Variants in PPP2R2C observed in about 807,000 individuals in gnomAD.
PPP2R2C encodes the protein protein phosphatase 2 regulatory subunit Bgamma.
Under a neutral mutation model 45.3 loss-of-function variants are expected in PPP2R2C, and 10 were observed. The observed-to-expected ratio is 0.22, with a 90% CI of 0.14 to 0.37. PPP2R2C has a LOEUF of 0.37. Among genes scored for constraint, PPP2R2C ranks in the 10% least tolerant of loss-of-function variants. The pLI is 1.00. For synonymous variants in PPP2R2C, 257 were observed against 245.4 expected, an observed-to-expected ratio of 1.05 and a Z score of -0.44; for missense variants, 308 against 619.7, an observed-to-expected ratio of 0.50 and a Z score of 5.34.
intron 1 of PPP2R2C, among the ~76,000 whole-genome samples, chr4:6,547,595 A>G (rs1725030557): frequency 6.6e-6 from 1 of 152,168 alleles, no homozygotes; most frequent in South Asian, 2.1e-4. Context: ...TTATGAAAAT[A>G]GAGGGGCAGG....
chr4:6,448,907 A>T (rs137991169), intron 1 of PPP2R2C, among the ~76,000 whole-genome samples: 1 of 152,192 alleles, frequency 6.6e-6, no homozygotes, highest in Non-Finnish European at 1.5e-5. Context: ...AGGTGGGGGC[A>T]GTGCCCCTGC....
At chr4:6,447,610 A>C (rs1378096749) in intron 1 of PPP2R2C, among the ~76,000 whole-genome samples, 1 of 147,242 alleles carries the variant, frequency 6.8e-6, no homozygotes, top group African/African-American at 2.5e-5. Context: ...GGGTTGCAAG[A>C]GACCATTTCC....
At chr4:6,468,804 C>T (rs150912565) in intron 1 of PPP2R2C, among the ~76,000 whole-genome samples, 50 of 152,018 alleles carry the variant, frequency 3.3e-4, no homozygotes, top group African/African-American at 1.0e-3. Context: ...TGAGGCCTGC[C>T]GCAAAAAGAG....
intron 6 of PPP2R2C, among the ~76,000 whole-genome samples, chr4:6,346,261 C>T (rs75992209): frequency 0.026 from 3,921 of 152,302 alleles, 167 homozygotes; most frequent in African/African-American, 0.089. Flanking sequence ...CCCACAGCTT[C>T]TCATTCTCAG....
chr4:6,465,481 A>C (rs904105478), intron 1 of PPP2R2C, among the ~76,000 whole-genome samples: 2 of 152,210 alleles, frequency 1.3e-5, no homozygotes, highest in African/African-American at 4.8e-5. Flanking sequence ...CCAGAGTTCC[A>C]GCAGAGCAGG....
At chr4:6,556,875 G>A (rs1038401436) in intron 1 of PPP2R2C, among the ~76,000 whole-genome samples, 1 of 152,278 alleles carries the variant, frequency 6.6e-6, no homozygotes, top group South Asian at 2.1e-4. Flanking sequence ...AAGGAGGGAA[G>A]GGGGAAGGAG....
chr4:6,321,036 A>G lies in PPP2R2C; in HGVS notation c.*2266T>C, dbSNP rs1268300707. The G allele has an allele frequency of 3.9e-5, 6 of 152,222 alleles. No homozygotes were observed. The highest frequency in any genetic ancestry group is 5.9e-5 in the Non-Finnish European group (4 of 68,042). 9.4% of individuals were successfully genotyped at this position (152,222 alleles called of 1,614,324 possible). A position where few individuals can be genotyped will look rare whatever the true frequency, so the allele number is the denominator to read the frequency against. On this transcript the variant is annotated 3_prime_UTR_variant, in exon 9 of 9. Coordinates refer to ENST00000382599, the MANE Select transcript of PPP2R2C (RefSeq NM_020416.4). The stretch of plus-strand genomic sequence containing the variant: ...TTATTTTCCAGGGATCCAGAGACAT[A>G]CTTTTCTTCAAAGAAGATCTTTTCC...
At chr4:6,539,163 G>A (rs1043010202) in intron 1 of PPP2R2C, among the ~76,000 whole-genome samples, 2 of 151,366 alleles carry the variant, frequency 1.3e-5, no homozygotes, top group African/African-American at 2.4e-5. Context: ...GAGAGAGGGC[G>A]GAAATTTGGA....
chr4:6,459,009 A>T (rs1469178656), intron 1 of PPP2R2C, among the ~76,000 whole-genome samples: 1 of 152,220 alleles, frequency 6.6e-6, no homozygotes, highest in African/African-American at 2.4e-5. Context: ...AAGGAGGAGG[A>T]CCAGGAATTC....
chr4:6,451,762 G>A (rs900846413), intron 1 of PPP2R2C, among the ~76,000 whole-genome samples: 1 of 152,162 alleles, frequency 6.6e-6, no homozygotes, highest in African/African-American at 2.4e-5. Context: ...TCAGTGCTCT[G>A]AGGGACCTGG....
rs746793663 is a variant in PPP2R2C, at chr4:6,562,962, C to CAAAAAAAAAA, written c.-59+588_-59+597dup. On this transcript the variant is annotated intron_variant, in intron 1 of 9. Coordinates refer to the PPP2R2C transcript ENST00000506140. Reference sequence around the variant, plus strand: ...ACTGTCATGGACTGTCCCTGCCAGCCAAAAAAAAAAAAAAAAGGCTTCTCC... The same window carrying CAAAAAAAAAA: ...ACTGTCATGGACTGTCCCTGCCAGCCAAAAAAAAAAAAAAAAAAAAAAAAAAGGCTTCTCC... Among the ~76,000 whole-genome samples, 14 of 83,256 alleles carry CAAAAAAAAAA rather than the reference C, an allele frequency of 1.7e-4. 1 individual carries two copies. Among genetic ancestry groups the CAAAAAAAAAA allele is most frequent in the African/African-American group, 6.4e-4 (14 of 21,844 alleles). 54.6% of individuals were successfully genotyped at this position (83,256 alleles called of 152,430 possible).
In PPP2R2C at chr4:6,349,612, G is replaced by A. The variant is rs1401372099; in HGVS notation, c.626-1602C>T. On this transcript the variant is annotated intron_variant, in intron 5 of 8. Coordinates refer to ENST00000382599, the MANE Select transcript of PPP2R2C (RefSeq NM_020416.4). Reference sequence around the variant, plus strand: ...TCCCAGCACTTTGGGAGGCCGAGGCGGGCGGATCACGAGGTCAGGAGATCG... The same window carrying A: ...TCCCAGCACTTTGGGAGGCCGAGGCAGGCGGATCACGAGGTCAGGAGATCG... 18 of 981,454 alleles carry A rather than the reference G, an allele frequency of 1.8e-5. No individual in the cohort carries two copies. The African/African-American group carries it at 2.1e-4, about 11-fold the overall frequency. The allele number at this position is 981,454 out of a possible 1,614,324, so 60.8% of individuals were successfully genotyped here.
chr4:6,534,747 C>T (rs139322821), intron 2 of PPP2R2C, among the ~76,000 whole-genome samples: 79 of 152,306 alleles, frequency 5.2e-4, no homozygotes, highest in African/African-American at 8.2e-4. Context: ...GTGACAACCC[C>T]GCCTCCGCAT....
intron 1 of PPP2R2C, among the ~76,000 whole-genome samples, chr4:6,385,269 C>G (rs960682192): frequency 1.3e-4 from 20 of 152,306 alleles, no homozygotes; most frequent in African/African-American, 4.3e-4. Flanking sequence ...TGCCTGAGCA[C>G]TGCTTCCTCT....
chr4:6,448,034 C>T (rs1266792295), intron 1 of PPP2R2C, among the ~76,000 whole-genome samples: 2 of 152,122 alleles, frequency 1.3e-5, no homozygotes, highest in African/African-American at 2.4e-5. Context: ...GGTACACCCC[C>T]GTGGGAGCCG....
At chr4:6,333,300 C>G (rs1732563269) in intron 7 of PPP2R2C, among the ~76,000 whole-genome samples, 1 of 152,226 alleles carries the variant, frequency 6.6e-6, no homozygotes, top group South Asian at 2.1e-4. Flanking sequence ...CATCTCTTTC[C>G]TCCCTGGAAT....
At chr4:6,390,145 G>A (rs1577138568) in intron 1 of PPP2R2C, among the ~76,000 whole-genome samples, 1 of 152,188 alleles carries the variant, frequency 6.6e-6, no homozygotes, top group African/African-American at 2.4e-5. Context: ...ACTTCCAGGG[G>A]ACAGGGGAGA....
At chr4:6,530,118 G>A (rs1039156115) in intron 2 of PPP2R2C, among the ~76,000 whole-genome samples, 2 of 152,126 alleles carry the variant, frequency 1.3e-5, no homozygotes, top group South Asian at 2.1e-4. Context: ...AACGATTCTC[G>A]AGGGTTTACT....
intron 8 of PPP2R2C, among the ~76,000 whole-genome samples, chr4:6,325,313 C>T (rs1731854813): frequency 6.6e-6 from 1 of 152,204 alleles, no homozygotes; most frequent in African/African-American, 2.4e-5. Flanking sequence ...CTCCTCGATC[C>T]TAATCGTCCA....
Sources: gnomAD v4.1 joint callset for allele counts (sites outside exome capture counted in the v4.1 genomes callset) on GRCh38, gnomAD v4.1.1 for gene constraint, MANE v1.5 for transcripts, NCBI Gene and HGNC (gene_info 2026-07-23, HGNC 2026-07-21) for gene names.